The following SPRY3 variants were observed in gnomAD, a reference collection of about 807,000 sequenced individuals.
SPRY3 encodes sprouty RTK signaling antagonist 3, also known as protein sprouty homolog 3.
A neutral mutation model predicts 20.2 loss-of-function variants in SPRY3; 15 were observed. That is an observed-to-expected ratio of 0.74 (90% CI 0.50 to 1.14). SPRY3 has a LOEUF of 1.14. SPRY3 is among the 50% of genes most tolerant of loss of function. The pLI is 0.00. For synonymous variants in SPRY3, 143 were observed against 136.5 expected (o/e 1.05, Z -0.33); for missense variants, 364 against 363.9 (o/e 1.00, Z 0.00).
At chrX:155,761,215 C>T (rs949183445) in intron 2 of SPRY3, among the ~76,000 whole-genome samples, 7 of 152,164 alleles carry the variant, frequency 4.6e-5, no homozygotes, top group African/African-American at 1.4e-4. Flanking sequence ...TTTCTCTTCA[C>T]TATTAGCCCA....
intron 1 of SPRY3, among the ~76,000 whole-genome samples, chrX:155,644,894 T>C (rs2067952884): frequency 9.0e-6 from 1 of 111,227 alleles, no homozygotes; most frequent in Non-Finnish European, 1.9e-5. Context: ...TCTCCACTTT[T>C]CTCAAGCAGA....
At chrX:155,780,065 T>C (rs889214042), downstream of SPRY3, 31 of 167,008 alleles carry the variant, frequency 1.9e-4, no homozygotes, top group African/African-American at 6.3e-4. Context: ...TGACACTGAC[T>C]AATGTTAGGA....
chrX:155,687,916 C>T (rs1273764113), intron 2 of SPRY3, among the ~76,000 whole-genome samples: 11 of 112,070 alleles, frequency 9.8e-5, no homozygotes, highest in African/African-American at 3.2e-4. Context: ...AGGACAAATA[C>T]CTAATGCATG....
chrX:155,641,444 G>T (rs2067939795), intron 1 of SPRY3, among the ~76,000 whole-genome samples: 1 of 114,989 alleles, frequency 8.7e-6, no homozygotes, highest in Non-Finnish European at 1.9e-5. Flanking sequence ...TGTGGCGGCA[G>T]CCCGCGGTGA....
chrX:155,620,042 G>A (rs1331751283), intron 1 of SPRY3, among the ~76,000 whole-genome samples: 1 of 111,906 alleles, frequency 8.9e-6, no homozygotes, highest in Non-Finnish European at 1.9e-5. Flanking sequence ...ACCAAGTGTT[G>A]ATGATGATGT....
intron 1 of SPRY3, among the ~76,000 whole-genome samples, chrX:155,624,139 A>T (rs782559398): frequency 5.4e-5 from 6 of 112,117 alleles, no homozygotes; most frequent in South Asian, 7.4e-4. Flanking sequence ...TTGAATCTTC[A>T]GTGCAAATAA....
At chrX:155,718,985 C>T (rs1471840211) in intron 2 of SPRY3, among the ~76,000 whole-genome samples, 1 of 152,126 alleles carries the variant, frequency 6.6e-6, no homozygotes, top group Admixed American at 6.6e-5. Flanking sequence ...ACAGAAAAAG[C>T]ACCTTCATAA....
chrX:155,695,311 G>T (rs2068115345), intron 2 of SPRY3, among the ~76,000 whole-genome samples: 1 of 111,216 alleles, frequency 9.0e-6, no homozygotes, highest in Non-Finnish European at 1.9e-5. Flanking sequence ...GTCTCTATGG[G>T]TTATCTCTCT....
At chrX:155,717,169 G>T (rs2091029096) in intron 2 of SPRY3, among the ~76,000 whole-genome samples, 1 of 147,484 alleles carries the variant, frequency 6.8e-6, no homozygotes, top group Non-Finnish European at 1.5e-5. Context: ...AAAAAAAAAA[G>T]ATATCATCAA....
chrX:155,714,180 T>C (rs182344642), intron 2 of SPRY3, among the ~76,000 whole-genome samples: 1 of 152,330 alleles, frequency 6.6e-6, no homozygotes, highest in Non-Finnish European at 1.5e-5. Flanking sequence ...GATATCTGTT[T>C]CTCCAGGATT....
intron 1 of SPRY3, among the ~76,000 whole-genome samples, chrX:155,645,436 C>T (rs1165433619): frequency 7.2e-5 from 8 of 111,830 alleles, no homozygotes; most frequent in African/African-American, 2.6e-4. Context: ...TATTTATGTT[C>T]CCCAGAGCAC....
At chrX:155,749,649 G>A (rs1002555061) in intron 2 of SPRY3, among the ~76,000 whole-genome samples, 1 of 151,808 alleles carries the variant, frequency 6.6e-6, no homozygotes, top group African/African-American at 2.4e-5. Context: ...AAATTGAGGT[G>A]AGGGCAATAA....
intron 2 of SPRY3, among the ~76,000 whole-genome samples, chrX:155,676,712 A>T (rs991621556): frequency 1.8e-5 from 2 of 112,171 alleles, no homozygotes; most frequent in Admixed American, 1.9e-4. Flanking sequence ...CAACACTGGC[A>T]TTTTGTGAGG....
chrX:155,721,089 T>C (rs1213133473), intron 2 of SPRY3, among the ~76,000 whole-genome samples: 1 of 152,108 alleles, frequency 6.6e-6, no homozygotes, highest in Non-Finnish European at 1.5e-5. Flanking sequence ...TTAACACAGA[T>C]ATTGAAATAA....
chrX:155,711,688 A>ATTT (rs4047354), intron 2 of SPRY3, among the ~76,000 whole-genome samples: 22 of 146,282 alleles, frequency 1.5e-4, no homozygotes, highest in Admixed American at 7.4e-4. Context: ...TCTTTTTACT[A>ATTT]TTTTTTTTTT....
chrX:155,743,521 A>T (rs2091213046), intron 2 of SPRY3, among the ~76,000 whole-genome samples: 1 of 152,120 alleles, frequency 6.6e-6, no homozygotes, highest in Admixed American at 6.6e-5. Context: ...TGAAATGGGG[A>T]TGGCAGCACC....
At chrX:155,740,349 C>T (rs951508519) in intron 2 of SPRY3, among the ~76,000 whole-genome samples, 9 of 152,002 alleles carry the variant, frequency 5.9e-5, no homozygotes, top group South Asian at 2.1e-4. Flanking sequence ...TGACTGCCTG[C>T]GGGGTCAGGC....
intron 1 of SPRY3, among the ~76,000 whole-genome samples, chrX:155,623,751 C>T (rs1557349658): frequency 8.9e-6 from 1 of 112,358 alleles, no homozygotes; most frequent in Non-Finnish European, 1.9e-5. Flanking sequence ...TTTCTTTCCA[C>T]TTGCTCTTGA....
chrX:155,631,149 A>G (rs1254092949), intron 1 of SPRY3, among the ~76,000 whole-genome samples: 4 of 110,976 alleles, frequency 3.6e-5, no homozygotes, highest in Non-Finnish European at 7.5e-5. Flanking sequence ...ATTTATGTCC[A>G]TGTGTGCTCA....
Sources: gnomAD v4.1 joint callset for allele counts (sites outside exome capture counted in the v4.1 genomes callset) on GRCh38, gnomAD v4.1.1 for gene constraint, MANE v1.5 for transcripts, NCBI Gene and HGNC (gene_info 2026-07-23, HGNC 2026-07-21) for gene names.